Variants in DCLK2 observed in about 807,000 individuals in gnomAD.
DCLK2 encodes doublecortin like kinase 2.
Under a neutral mutation model 78.4 loss-of-function variants are expected in DCLK2, and 31 were observed. The observed-to-expected ratio is 0.40, with a 90% confidence interval of 0.30 to 0.53. The LOEUF is 0.53. DCLK2 is among the 20% of genes least tolerant of loss of function. The probability of loss-of-function intolerance (pLI) is 0.61; values close to 1 mark genes in which losing one functional copy is unlikely to be tolerated. For missense variants in DCLK2, 872 were observed against 973.7 expected, an observed-to-expected ratio of 0.90 and a Z score of 1.39; for synonymous variants, 407 against 374.9, an observed-to-expected ratio of 1.09 and a Z score of -0.99.
chr4:150,150,996 G>T (rs1018452691), intron 2 of DCLK2, among the ~76,000 whole-genome samples: 2 of 152,224 alleles, frequency 1.3e-5, no homozygotes, highest in African/African-American at 4.8e-5. Context: ...TGCAGGGAAG[G>T]CTTCTCTGGG....
chr4:150,232,947 G>T (rs888455779), intron 10 of DCLK2, 119 bp downstream of exon 10: 1 of 1,285,876 alleles, frequency 7.8e-7, no homozygotes, highest in Non-Finnish European at 1.1e-6. Context: ...TTTAAATTTA[G>T]AAAATTAGCA....
Position 150,203,849 on chromosome 4 carries a change from G to T in DCLK2, c.1016G>T (p.Ser339Ile). The change falls in exon 5 of 16, where the codon AGT becomes ATT. Residue 339 changes from serine to isoleucine, a missense_variant. Physicochemically the swap from Ser to Ile is moderately radical, Grantham distance 142. This residue lies in a region of DCLK2 where 567 missense variants were observed against 593.4 expected (regional missense o/e 0.96). Coordinates refer to ENST00000296550, the MANE Select transcript of DCLK2 (RefSeq NM_001040260.4). ...ACTCCTAAATCTACGAAATCCTCCA[G>T]TTCCTCTCCAACTAGTCCAGGAAGT... ...LSTPKSTKSS[S>I]SSPTSPGSFR... is the part of the protein sequence containing the mutation. 1 of 1,613,938 alleles carries T rather than the reference G, an allele frequency of 6.2e-7. No individual in the cohort carries two copies.
intron 2 of DCLK2, among the ~76,000 whole-genome samples, chr4:150,112,541 A>G (rs918551394): frequency 2.6e-5 from 4 of 152,142 alleles, no homozygotes; most frequent in Non-Finnish European, 5.9e-5. Flanking sequence ...TCCATTCAGT[A>G]TAATGTTGGC....
intron 5 of DCLK2, among the ~76,000 whole-genome samples, chr4:150,208,570 A>G (rs1469960453): frequency 6.6e-6 from 1 of 151,940 alleles, no homozygotes; most frequent in Non-Finnish European, 1.5e-5. Flanking sequence ...GCTCCACAGG[A>G]AAAAGGGTTG....
chr4:150,193,752 T>C (rs1738652475), intron 3 of DCLK2, among the ~76,000 whole-genome samples: 1 of 149,722 alleles, frequency 6.7e-6, no homozygotes, highest in South Asian at 2.1e-4. Flanking sequence ...GGTAGCAACA[T>C]TTTTTTTTTA....
intron 2 of DCLK2, among the ~76,000 whole-genome samples, chr4:150,166,398 T>G (rs893718627): frequency 1.4e-5 from 2 of 146,008 alleles, no homozygotes; most frequent in Non-Finnish European, 2.9e-5. Context: ...GAAGGCTGAG[T>G]TAGGAGGATC....
chr4:150,099,705 G>A (rs185705908), intron 1 of DCLK2, among the ~76,000 whole-genome samples: 80 of 152,268 alleles, frequency 5.3e-4, no homozygotes, highest in African/African-American at 1.8e-3. Flanking sequence ...TGCATAGTAG[G>A]CACTCAGTGT....
At chr4:150,080,118 C>CG (rs1375157734) in intron 1 of DCLK2, among the ~76,000 whole-genome samples, 1 of 150,792 alleles carries the variant, frequency 6.6e-6, no homozygotes, top group Non-Finnish European at 1.5e-5. Context: ...AAAGCCCCCC[C>CG]CCCAGGTGAT....
chr4:150,252,225 C>T (rs2126647592), intron 15 of DCLK2, among the ~76,000 whole-genome samples: 1 of 152,294 alleles, frequency 6.6e-6, no homozygotes, highest in Admixed American at 6.5e-5. Flanking sequence ...CTCAGTGGTA[C>T]ACAGTCTTGC....
chr4:150,171,526 G>A (rs1301155665), intron 2 of DCLK2, among the ~76,000 whole-genome samples: 1 of 152,178 alleles, frequency 6.6e-6, no homozygotes, highest in Non-Finnish European at 1.5e-5. Flanking sequence ...TAAAAGTTGG[G>A]CTTTGCTGCA....
At chr4:150,132,924 A>G (rs184484300) in intron 2 of DCLK2, among the ~76,000 whole-genome samples, 85 of 152,298 alleles carry the variant, frequency 5.6e-4, no homozygotes, top group African/African-American at 1.9e-3. Context: ...CACCATGCCC[A>G]GCTAACATTT....
At chr4:150,241,457 C>T (rs982561079) in intron 12 of DCLK2, among the ~76,000 whole-genome samples, 1 of 152,150 alleles carries the variant, frequency 6.6e-6, no homozygotes, top group Non-Finnish European at 1.5e-5. Context: ...TCTAACCATG[C>T]ATGTTCTGTT....
At chr4:150,177,930 A>G (rs1737206894) in intron 2 of DCLK2, among the ~76,000 whole-genome samples, 2 of 152,202 alleles carry the variant, frequency 1.3e-5, no homozygotes. Context: ...GCTGGGGACC[A>G]GGAACAAAAG....
intron 2 of DCLK2, among the ~76,000 whole-genome samples, chr4:150,108,089 T>G (rs541432543): frequency 6.6e-6 from 1 of 152,320 alleles, no homozygotes; most frequent in East Asian, 1.9e-4. Flanking sequence ...TAACCTATGT[T>G]TATAGATGTG....
chr4:150,114,589 A>G (rs1731937114), intron 2 of DCLK2, among the ~76,000 whole-genome samples: 1 of 152,190 alleles, frequency 6.6e-6, no homozygotes, highest in African/African-American at 2.4e-5. Context: ...CTGGTCTGGT[A>G]GTAACATTTC....
intron 2 of DCLK2, among the ~76,000 whole-genome samples, chr4:150,165,407 G>T (rs954762430): frequency 3.7e-4 from 55 of 150,652 alleles, no homozygotes; most frequent in African/African-American, 9.0e-4. Flanking sequence ...TTTTTTTTTT[G>T]ATTTGTCTTC....
chr4:150,195,704 A>G (rs767938727), intron 3 of DCLK2, among the ~76,000 whole-genome samples: 17 of 150,892 alleles, frequency 1.1e-4, no homozygotes, highest in Non-Finnish European at 2.5e-4. Flanking sequence ...GGTATGTTGT[A>G]CTTTGATCTA....
rs770718037 is a variant in DCLK2, at chr4:150,079,310, C to T, written c.283C>T (p.Arg95Cys). The change falls in exon 1 of 16, where the codon CGC (arginine) becomes TGC (cysteine). Residue 95 changes from arginine (R) to cysteine (C), a missense_variant. Arg to Cys is a radical substitution (Grantham distance 180). This residue lies in a region of DCLK2 where 567 missense variants were observed against 593.4 expected (regional missense o/e 0.96). Coordinates refer to ENST00000296550, the MANE Select transcript of DCLK2 (RefSeq NM_001040260.4). ...KGLVFAISSDRFRSFDALLIE... is the reference protein window; with the variant it reads ...KGLVFAISSDCFRSFDALLIE... ...CCTGGTGTTTGCCATCTCCAGCGAC[C>T]GCTTCCGGTCCTTCGATGCGCTCCT... 35 of 1,593,732 alleles carry T rather than the reference C, an allele frequency of 2.2e-5. No individual in the cohort carries two copies. Among genetic ancestry groups the T allele is most frequent in the African/African-American group, 5.4e-5 (4 of 74,332 alleles).
chr4:150,157,945 T>C (rs1342254469), intron 2 of DCLK2, among the ~76,000 whole-genome samples: 7 of 152,252 alleles, frequency 4.6e-5, no homozygotes, highest in South Asian at 2.1e-4. Flanking sequence ...CTTTTAATTT[T>C]ATTCTAACGA....
Sources: allele counts gnomAD v4.1 joint callset (sites outside exome capture counted in the v4.1 genomes callset), GRCh38; gene constraint gnomAD v4.1.1; regional missense constraint gnomAD v4.1.1; transcripts MANE v1.5; gene names NCBI Gene and HGNC (gene_info 2026-07-23, HGNC 2026-07-21).